The following CDH13 variants were observed in gnomAD, a reference collection of about 807,000 sequenced individuals.
CDH13 encodes the protein cadherin-13.
In CDH13, 24 loss-of-function variants were observed where a neutral mutation model predicts 63.8. The observed-to-expected ratio is 0.38, with a 90% CI of 0.27 to 0.53. The LOEUF is 0.53. Among genes scored for constraint, CDH13 ranks in the 20% least tolerant of loss-of-function variants. The pLI is 0.85. For synonymous variants in CDH13, 503 were observed against 355.3 expected, an observed-to-expected ratio of 1.42 and a Z score of -4.67; for missense variants, 1,049 against 903.1, an observed-to-expected ratio of 1.16 and a Z score of -2.07.
intron 6 of CDH13, among the ~76,000 whole-genome samples, chr16:83,484,603 C>G (rs541902057): frequency 2.6e-5 from 4 of 152,224 alleles, no homozygotes; most frequent in Non-Finnish European, 4.4e-5. Context: ...TAAAAATAAA[C>G]AAAATGTTAT....
chr16:82,868,458 T>C (rs886476605), intron 2 of CDH13, among the ~76,000 whole-genome samples: 3 of 152,166 alleles, frequency 2.0e-5, no homozygotes, highest in Admixed American at 2.0e-4. Flanking sequence ...AGATAAGAAA[T>C]GAACATATGT....
chr16:82,752,043 T>G (rs751887284), intron 1 of CDH13, among the ~76,000 whole-genome samples: 1 of 152,190 alleles, frequency 6.6e-6, no homozygotes, highest in Non-Finnish European at 1.5e-5. Flanking sequence ...ACTGACAAAT[T>G]TGGGGGAAAC....
intron 2 of CDH13, among the ~76,000 whole-genome samples, chr16:82,931,661 G>T (rs1409719849): frequency 6.6e-6 from 1 of 152,094 alleles, no homozygotes; most frequent in African/African-American, 2.4e-5. Context: ...GGCTGGGGAG[G>T]CCTCACAATC....
intron 4 of CDH13, among the ~76,000 whole-genome samples, chr16:83,165,646 G>A (rs145564256): frequency 6.6e-6 from 1 of 152,032 alleles, no homozygotes; most frequent in Non-Finnish European, 1.5e-5. Flanking sequence ...AGGGGAGGAA[G>A]GATAAGAAGC....
chr16:83,455,563 A>C (rs1288070079), intron 6 of CDH13, among the ~76,000 whole-genome samples: 2 of 152,150 alleles, frequency 1.3e-5, no homozygotes, highest in Non-Finnish European at 2.9e-5. Context: ...AGCCATTGCT[A>C]CACGTGGCTC....
chr16:83,342,359 T>C (rs1440506384), intron 5 of CDH13, among the ~76,000 whole-genome samples: 1 of 152,238 alleles, frequency 6.6e-6, no homozygotes, highest in Non-Finnish European at 1.5e-5. Flanking sequence ...AACCACTGGA[T>C]ACCAGGGTGT....
At chr16:83,723,101 C>G (rs1194260662) in intron 10 of CDH13, among the ~76,000 whole-genome samples, 2 of 152,202 alleles carry the variant, frequency 1.3e-5, no homozygotes, top group African/African-American at 4.8e-5. Flanking sequence ...CAGTCTGAAA[C>G]TGGTTACCAG....
intron 2 of CDH13, among the ~76,000 whole-genome samples, chr16:82,882,849 C>T (rs976340307): frequency 1.3e-5 from 2 of 151,978 alleles, no homozygotes; most frequent in African/African-American, 2.4e-5. Context: ...TATTCTCCTT[C>T]TTGGGATATT....
chr16:83,389,431 G>A lies in CDH13; in HGVS notation c.781+44425G>A, dbSNP rs116765366. Among the ~76,000 whole-genome samples the A allele has an allele frequency of 5.5e-3, 841 of 152,172 alleles. 11 individuals carry two copies. The highest frequency in any genetic ancestry group is 0.019 in the African/African-American group (806 of 41,532). On this transcript the variant is annotated intron_variant, in intron 6 of 13. Coordinates refer to ENST00000567109, the MANE Select transcript of CDH13 (RefSeq NM_001257.5). ...AAGAATAATTTTCCCATTTGACCCC[G>A]AATTCCAATTTACAGTGAATTGTTC...
chr16:83,000,935 A>G (rs1912857838), intron 2 of CDH13, among the ~76,000 whole-genome samples: 1 of 152,032 alleles, frequency 6.6e-6, no homozygotes, highest in East Asian at 1.9e-4. Context: ...TTCTATGCCT[A>G]TTTGCTTTTC....
At chr16:82,654,296 G>C (rs1957068748) in intron 1 of CDH13, among the ~76,000 whole-genome samples, 1 of 152,110 alleles carries the variant, frequency 6.6e-6, no homozygotes, top group South Asian at 2.1e-4. Flanking sequence ...TCTTATTCAA[G>C]GTCGGTTTCC....
At chr16:83,197,915 T>A (rs189294472) in intron 4 of CDH13, among the ~76,000 whole-genome samples, 1 of 152,114 alleles carries the variant, frequency 6.6e-6, no homozygotes, top group Non-Finnish European at 1.5e-5. Context: ...ATTGTGACAT[T>A]GTACCACAGT....
At chr16:82,813,601 C>A (rs1935587838) in intron 1 of CDH13, among the ~76,000 whole-genome samples, 1 of 152,114 alleles carries the variant, frequency 6.6e-6, no homozygotes, top group South Asian at 2.1e-4. Context: ...CTGCTTGTGG[C>A]CACTCGCTGT....
intron 6 of CDH13, among the ~76,000 whole-genome samples, chr16:83,484,622 C>G (rs2073845630): frequency 6.6e-6 from 1 of 152,140 alleles, no homozygotes; most frequent in African/African-American, 2.4e-5. Context: ...ATAGATGAGG[C>G]CAACATCTTT....
chr16:83,508,136 G>GAGGGAGGAAGGA (rs1567722416), intron 7 of CDH13, among the ~76,000 whole-genome samples: 2 of 69,766 alleles, frequency 2.9e-5, no homozygotes, highest in African/African-American at 1.1e-4. Flanking sequence ...GAAGGAAAGG[G>GAGGGAGGAAGGA]AAGGGGAGGG....
intron 3 of CDH13, among the ~76,000 whole-genome samples, chr16:83,111,804 A>C (rs1567840403): frequency 6.6e-6 from 1 of 152,214 alleles, no homozygotes; most frequent in Non-Finnish European, 1.5e-5. Context: ...TCATAGTTTC[A>C]TCATTTTATG....
chr16:82,830,911 A>C (rs770453314), intron 1 of CDH13, among the ~76,000 whole-genome samples: 1 of 152,176 alleles, frequency 6.6e-6, no homozygotes, highest in Non-Finnish European at 1.5e-5. Flanking sequence ...TCCTATTACT[A>C]TATTTTATAT....
At chr16:83,210,424 A>T (rs1429908166) in intron 4 of CDH13, among the ~76,000 whole-genome samples, 1 of 152,052 alleles carries the variant, frequency 6.6e-6, no homozygotes, top group Non-Finnish European at 1.5e-5. Context: ...TTTTAGAATG[A>T]CCATTCTGGT....
rs573643801 is a variant in CDH13, at chr16:83,063,280, G to A, written c.366+31062G>A. 1.3e-3 allele frequency among the ~76,000 whole-genome samples: 191 copies of A among 152,280 alleles called. 1 individual carries two copies. The South Asian group carries it at 0.013, about 10-fold the overall frequency. On this transcript the variant is annotated intron_variant, in intron 3 of 13. Transcript: ENST00000567109. Reference sequence around the variant, plus strand: ...CCCAGCCTGGTGGTTGGCTTTTAAAGGGAGCAGGTCAACCATATGAAAACA... The same window carrying A: ...CCCAGCCTGGTGGTTGGCTTTTAAAAGGAGCAGGTCAACCATATGAAAACA...
Sources: gnomAD v4.1 joint callset for allele counts (sites outside exome capture counted in the v4.1 genomes callset) on GRCh38, gnomAD v4.1.1 for gene constraint, MANE v1.5 for transcripts, NCBI Gene and HGNC (gene_info 2026-07-23, HGNC 2026-07-21) for gene names.